The following NEK6 variants were observed in gnomAD, a reference collection of about 807,000 sequenced individuals.
NEK6 encodes serine/threonine-protein kinase Nek6.
NEK6 carries 27 observed loss-of-function variants against 43.5 expected under a neutral mutation model. That is an observed-to-expected ratio of 0.62 (90% CI 0.46 to 0.86). The LOEUF is 0.86. NEK6 is among the 40% of genes least tolerant of loss of function. The probability of loss-of-function intolerance (pLI) is 0.00; values close to 1 mark genes in which losing one functional copy is unlikely to be tolerated. For missense variants in NEK6, 318 were observed against 414.4 expected (o/e 0.77, Z 2.02); for synonymous variants, 167 against 164.1 (o/e 1.02, Z -0.14).
intron 8 of NEK6, among the ~76,000 whole-genome samples, chr9:124,347,120 G>C (rs1588553416): frequency 6.6e-6 from 1 of 152,222 alleles, no homozygotes. Flanking sequence ...AGGGGCAGGA[G>C]GCTGCCTCCC....
At chr9:124,312,746 G>C in intron 3 of NEK6, 97 bp downstream of exon 3, 2 of 1,244,742 alleles carry the variant, frequency 1.6e-6, no homozygotes, top group Non-Finnish European at 2.2e-6. Context: ...CCCCTCTTCT[G>C]TGAACGAGGG....
At chr9:124,291,715 A>C in intron 1 of NEK6, 1 of 534,950 alleles carries the variant, frequency 1.9e-6, no homozygotes, top group Non-Finnish European at 2.4e-6. Flanking sequence ...GGGAGCGAGC[A>C]CAAGGACCAA....
At chr9:124,330,406 C>A (rs958296533) in intron 7 of NEK6, among the ~76,000 whole-genome samples, 1 of 152,330 alleles carries the variant, frequency 6.6e-6, no homozygotes, top group African/African-American at 2.4e-5. Context: ...AGCTGCAAGA[C>A]AAATCACGGG....
At chr9:124,344,526 T>C (rs1829815587) in intron 8 of NEK6, among the ~76,000 whole-genome samples, 1 of 152,182 alleles carries the variant, frequency 6.6e-6, no homozygotes, top group Admixed American at 6.5e-5. Flanking sequence ...GAGTGAATCA[T>C]GACTCGCAGG....
At chr9:124,322,674 C>T (rs1048724639) in intron 5 of NEK6, among the ~76,000 whole-genome samples, 2 of 152,232 alleles carry the variant, frequency 1.3e-5, no homozygotes, top group African/African-American at 4.8e-5. Context: ...GGCCCCATCA[C>T]CTCTCTACCC....
chr9:124,328,952 A>G lies in NEK6; in HGVS notation c.622+1507A>G, dbSNP rs578156171. 3.3e-5 allele frequency among the ~76,000 whole-genome samples: 5 copies of G among 152,346 alleles called. No individual in the cohort carries two copies. The South Asian group carries it at 1.0e-3, about 32-fold the overall frequency. On this transcript the variant is annotated intron_variant, in intron 7 of 9. Coordinates refer to ENST00000320246, the MANE Select transcript of NEK6 (RefSeq NM_014397.6). The stretch of plus-strand genomic sequence containing the variant: ...TCCACTCATGCCCTTGACAGCCCCA[A>G]GCATCCAGCCATCCTTCCCTTTAGC...
chr9:124,319,348 C>G (rs1164209138), intron 4 of NEK6, among the ~76,000 whole-genome samples: 1 of 151,930 alleles, frequency 6.6e-6, no homozygotes, highest in African/African-American at 2.4e-5. Flanking sequence ...AGATTCTGGA[C>G]ATTAGTCCTT....
chr9:124,258,208 G>A (rs866223325), intron 1 of NEK6, 123 bp downstream of exon 1: 32 of 976,536 alleles, frequency 3.3e-5, no homozygotes, highest in Middle Eastern at 1.1e-3. Flanking sequence ...ACGGCTCCGC[G>A]GGGGAGAGCG....
intron 1 of NEK6, among the ~76,000 whole-genome samples, chr9:124,301,103 C>T (rs1044158351): frequency 2.0e-5 from 3 of 152,228 alleles, no homozygotes; most frequent in African/African-American, 7.2e-5. Flanking sequence ...TTTCCCCTGG[C>T]ATCAGGAAGC....
chr9:124,335,305 T>TG (rs1186172493), intron 7 of NEK6, among the ~76,000 whole-genome samples: 1 of 152,200 alleles, frequency 6.6e-6, no homozygotes, highest in Non-Finnish European at 1.5e-5. Flanking sequence ...TACTGGAAGT[T>TG]GCGATTTGCT....
chr9:124,269,157 C>T (rs1831330958), intron 1 of NEK6, among the ~76,000 whole-genome samples: 1 of 152,142 alleles, frequency 6.6e-6, no homozygotes, highest in Non-Finnish European at 1.5e-5. Flanking sequence ...TGGTGGGGCT[C>T]TTATTAACCC....
At chr9:124,332,935 G>C (rs1432829127) in intron 7 of NEK6, among the ~76,000 whole-genome samples, 2 of 151,988 alleles carry the variant, frequency 1.3e-5, no homozygotes, top group East Asian at 3.9e-4. Flanking sequence ...GGGAGTCTCA[G>C]GGAGGGGCAT....
At chr9:124,295,832 T>C (rs961338041) in intron 1 of NEK6, among the ~76,000 whole-genome samples, 2 of 152,212 alleles carry the variant, frequency 1.3e-5, no homozygotes, top group Non-Finnish European at 2.9e-5. Context: ...AATTGCTCAG[T>C]CTGGCTGGTC....
rs1202729848 is a variant in NEK6 at position 124,275,061 on chromosome 9, G to A, written c.-30+16976G>A. 3.9e-5 allele frequency among the ~76,000 whole-genome samples: 6 copies of A among 152,140 alleles called. No homozygotes were observed. The highest frequency in any genetic ancestry group is 7.3e-5 in the Non-Finnish European group (5 of 68,046). On this transcript the variant is annotated intron_variant, in intron 1 of 9. Transcript: ENST00000320246. This position sits in a 1 kb window ranked among gnomAD's most constrained non-coding sequence, Gnocchi z 4.4. ...GCTTAGTTCTTGTGATTAGTTCATC[G>A]TGTGCCTCACCACACTTCCATCCCA...
At chr9:124,348,822 T>C (rs1036009449) in intron 9 of NEK6, among the ~76,000 whole-genome samples, 11 of 152,378 alleles carry the variant, frequency 7.2e-5, no homozygotes, top group African/African-American at 2.6e-4. Context: ...TAACAGCTCA[T>C]GTTCAGACTT....
intron 1 of NEK6, among the ~76,000 whole-genome samples, chr9:124,299,227 G>A (rs1832840354): frequency 6.6e-6 from 1 of 152,210 alleles, no homozygotes; most frequent in Admixed American, 6.5e-5. Flanking sequence ...CAAGGCTGGT[G>A]CCTTCTGAGA....
At chr9:124,310,072 C>T (rs912595993) in intron 2 of NEK6, among the ~76,000 whole-genome samples, 11 of 152,288 alleles carry the variant, frequency 7.2e-5, no homozygotes, top group Admixed American at 2.0e-4. Flanking sequence ...AGTGAAAAGC[C>T]GAGGAGGGAT....
At position 124,275,982 on chromosome 9, in the gene NEK6, C is replaced by T. The variant is rs964003871; in HGVS notation, c.-30+17897C>T. Among the ~76,000 whole-genome samples, 10 of 152,218 alleles carry T rather than the reference C, an allele frequency of 6.6e-5. No homozygotes were observed. In the East Asian group the frequency reaches 1.4e-3, roughly 21 times the overall value. On this transcript the variant is annotated intron_variant, in intron 1 of 9. Coordinates refer to ENST00000320246, the MANE Select transcript of NEK6 (RefSeq NM_014397.6). The surrounding 1 kb of genome is among the most constrained non-coding windows in gnomAD (Gnocchi z 4.4). The stretch of plus-strand genomic sequence containing the variant: ...TAAACGACAGTTAGGTTTGATCCTG[C>T]GGGAGGTGGGTGTTTGGAAAGGTTT...
rs1833880338 is a variant in NEK6, at chr9:124,317,573, T to C, written c.294+3588T>C. 3.3e-5 allele frequency among the ~76,000 whole-genome samples: 5 copies of C among 152,240 alleles called. No individual in the cohort carries two copies. The South Asian group carries it at 1.0e-3, about 32-fold the overall frequency. ...TTCAGAGGGTACACATGCAGGTTTGTTACAAGAGTATATTGTGTGATGCTG... is the reference window on the plus strand; with the variant it reads ...TTCAGAGGGTACACATGCAGGTTTGCTACAAGAGTATATTGTGTGATGCTG... On this transcript the variant is annotated intron_variant, in intron 4 of 9. Transcript: ENST00000320246.
Sources: gnomAD v4.1 joint callset for allele counts (sites outside exome capture counted in the v4.1 genomes callset) on GRCh38, gnomAD v4.1.1 for gene constraint, Gnocchi (gnomAD v3.1) non-coding constraint, MANE v1.5 for transcripts, NCBI Gene and HGNC (gene_info 2026-07-23, HGNC 2026-07-21) for gene names.